SPARCL1: variants seen among roughly 807,000 people sequenced by gnomAD.
The protein encoded by SPARCL1 is SPARC like 1, also known as SPARC-like protein 1.
Under a neutral mutation model 67.1 loss-of-function variants are expected in SPARCL1, and 52 were observed. The ratio of observed to expected loss-of-function variants is 0.78; its 90% CI spans 0.62 to 0.98. The LOEUF (loss-of-function observed/expected upper bound fraction) is 0.98, where lower values mean the gene tolerates loss of function less well. Among genes scored for constraint, SPARCL1 ranks in the 50% least tolerant of loss-of-function variants. The pLI, the probability that SPARCL1 is intolerant of heterozygous loss-of-function variation, is 0.00. For synonymous variants in SPARCL1, 226 were observed against 267.8 expected (o/e 0.84, Z 1.52); for missense variants, 717 against 782.4 (o/e 0.92, Z 1.00).
At position 87,512,332 on chromosome 4, in the gene SPARCL1, G is replaced by T. The variant is rs200103027; in HGVS notation, c.-11-12747C>A. 1.1e-4 allele frequency among the ~76,000 whole-genome samples: 16 copies of T among 152,242 alleles called. 1 individual carries two copies. In the East Asian group the frequency reaches 3.1e-3, roughly 29 times the overall value. On this transcript the variant is annotated intron_variant, in intron 1 of 10. Transcript: ENST00000282470. ...AATAAGGAAAAATTGAAGATAAAGG[G>T]TAAGAGAGGAGATAATGGTAAACAA...
chr4:87,486,638 C>A (rs1217367313), intron 7 of SPARCL1, among the ~76,000 whole-genome samples: 1 of 152,058 alleles, frequency 6.6e-6, no homozygotes, highest in African/African-American at 2.4e-5. Flanking sequence ...TCTTGTTGAT[C>A]TGTCTAATTT....
chr4:87,520,857 C>G (rs1725782505), intron 1 of SPARCL1, among the ~76,000 whole-genome samples: 1 of 152,170 alleles, frequency 6.6e-6, no homozygotes. Context: ...GTGTCAGCTA[C>G]CCCCATCTCT....
At chr4:87,503,787 T>G (rs532280691) in intron 1 of SPARCL1, among the ~76,000 whole-genome samples, 1 of 151,604 alleles carries the variant, frequency 6.6e-6, no homozygotes, top group South Asian at 2.1e-4. Context: ...CAAGTGATTC[T>G]CATGCCTCAG....
chr4:87,526,242 G>A (rs184820904), intron 1 of SPARCL1, among the ~76,000 whole-genome samples: 56 of 152,242 alleles, frequency 3.7e-4, no homozygotes, highest in Admixed American at 7.8e-4. Flanking sequence ...TAAATACCTC[G>A]TGTTGAGGCC....
chr4:87,504,183 G>GTGTGT (rs1553970309), intron 1 of SPARCL1, among the ~76,000 whole-genome samples: 450 of 94,292 alleles, frequency 4.8e-3, no homozygotes, highest in Non-Finnish European at 8.1e-3. Context: ...GTGTGTGTGT[G>GTGTGT]GTGGGGTGGG....
intron 1 of SPARCL1, among the ~76,000 whole-genome samples, chr4:87,512,582 C>G (rs986552291): frequency 6.4e-4 from 98 of 152,090 alleles, no homozygotes; most frequent in African/African-American, 2.3e-3. Flanking sequence ...TGGCTGGAAC[C>G]TTGCAGGATA....
chr4:87,527,012 C>G (rs186506470), intron 1 of SPARCL1, among the ~76,000 whole-genome samples: 1 of 152,160 alleles, frequency 6.6e-6, no homozygotes, highest in Non-Finnish European at 1.5e-5. Flanking sequence ...ATATAAACCA[C>G]GGTCTTATAT....
intron 1 of SPARCL1, among the ~76,000 whole-genome samples, chr4:87,524,896 C>A (rs376727341): frequency 1.3e-5 from 2 of 152,230 alleles, no homozygotes; most frequent in South Asian, 2.1e-4. Flanking sequence ...GGCATGGTGG[C>A]TCACACCTGT....
At chr4:87,518,653 A>C (rs1372435382) in intron 1 of SPARCL1, among the ~76,000 whole-genome samples, 1 of 152,168 alleles carries the variant, frequency 6.6e-6, no homozygotes, top group African/African-American at 2.4e-5. Context: ...AACATCTTCC[A>C]CTATTTTCTT....
At chr4:87,491,531 C>T in intron 5 of SPARCL1, 87 bp downstream of exon 5, 1 of 1,036,116 alleles carries the variant, frequency 9.7e-7, no homozygotes. Context: ...GTGCAGCATT[C>T]ACAAAGGATG....
chr4:87,508,387 A>G (rs1725198065), intron 1 of SPARCL1, among the ~76,000 whole-genome samples: 1 of 151,202 alleles, frequency 6.6e-6, no homozygotes, highest in Admixed American at 6.6e-5. Context: ...TTCTGTAGAG[A>G]CAGGATCTTC....
At chr4:87,508,603 G>A (rs1316248046) in intron 1 of SPARCL1, among the ~76,000 whole-genome samples, 2 of 151,902 alleles carry the variant, frequency 1.3e-5, no homozygotes, top group Non-Finnish European at 1.5e-5. Flanking sequence ...GTAGGTAAAG[G>A]CAGAGGAAGA....
At chr4:87,506,795 ATCT>A (rs1725099341) in intron 1 of SPARCL1, among the ~76,000 whole-genome samples, 6 of 146,604 alleles carry the variant, frequency 4.1e-5, no homozygotes, top group African/African-American at 1.3e-4. Context: ...CTATCTATCT[ATCT>A]ATCTATCTAT....
chr4:87,512,039 A>G (rs536871224), intron 1 of SPARCL1, among the ~76,000 whole-genome samples: 5 of 138,188 alleles, frequency 3.6e-5, no homozygotes, highest in Non-Finnish European at 7.5e-5. Context: ...ATCTAGGCTC[A>G]CTGCAACCTC....
At chr4:87,498,571 T>C (rs1429849632) in intron 2 of SPARCL1, among the ~76,000 whole-genome samples, 1 of 152,242 alleles carries the variant, frequency 6.6e-6, no homozygotes, top group Non-Finnish European at 1.5e-5. Flanking sequence ...TTTTTAACTT[T>C]CAGTTTGTTT....
intron 10 of SPARCL1, among the ~76,000 whole-genome samples, chr4:87,476,997 T>C (rs115415125): frequency 7.7e-4 from 118 of 152,342 alleles, no homozygotes; most frequent in Middle Eastern, 3.4e-3. Flanking sequence ...GCTTTATTGG[T>C]TTATTATGTG....
rs146365113 is a variant in SPARCL1 at position 87,493,386 on chromosome 4, A to G, written c.1218+196T>C. On this transcript the variant is annotated intron_variant, in intron 4 of 10. Transcript: ENST00000282470. ...AACAACACTCAAATCCAAGATCTGC[A>G]TCTACGGGAACTCAAATAAAACAGG... is the stretch of plus-strand genomic sequence containing the variant. Among the ~76,000 whole-genome samples, 386 of 152,316 alleles carry G rather than the reference A, an allele frequency of 2.5e-3. 1 individual carries two copies. Among genetic ancestry groups the G allele is most frequent in the Non-Finnish European group, 4.6e-3 (310 of 68,024 alleles).
At chr4:87,514,196 GA>G (rs1725491176) in intron 1 of SPARCL1, among the ~76,000 whole-genome samples, 1 of 152,096 alleles carries the variant, frequency 6.6e-6, no homozygotes, top group African/African-American at 2.4e-5. Flanking sequence ...TCAAAAAAAA[GA>G]AAAAAGATTA....
At chr4:87,516,344 A>G (rs1002257318) in intron 1 of SPARCL1, among the ~76,000 whole-genome samples, 1 of 152,212 alleles carries the variant, frequency 6.6e-6, no homozygotes, top group Non-Finnish European at 1.5e-5. Flanking sequence ...GTAAGAAGCC[A>G]TATATAATTG....
Sources: allele counts gnomAD v4.1 joint callset (sites outside exome capture counted in the v4.1 genomes callset), GRCh38; gene constraint gnomAD v4.1.1; transcripts MANE v1.5; gene names NCBI Gene and HGNC (gene_info 2026-07-23, HGNC 2026-07-21).